Variants in CRHR2 observed in about 807,000 individuals in gnomAD.
CRHR2 encodes the protein corticotropin releasing hormone receptor 2, also known as corticotropin-releasing hormone receptor 2.
In CRHR2, 53 loss-of-function variants were observed where a neutral mutation model predicts 57.9. The ratio of observed to expected loss-of-function variants is 0.92; its 90% CI spans 0.73 to 1.15. The LOEUF (loss-of-function observed/expected upper bound fraction) is 1.15, where lower values mean the gene tolerates loss of function less well. Among genes scored for constraint, CRHR2 ranks in the 50% most tolerant of loss-of-function variants. CRHR2 has a pLI of 0.00. For synonymous variants in CRHR2, 213 were observed against 220.9 expected, an observed-to-expected ratio of 0.96 and a Z score of 0.32; for missense variants, 532 against 542.6, an observed-to-expected ratio of 0.98 and a Z score of 0.19.
rs760573349 is a variant in CRHR2, at chr7:30,655,071, C to T, written c.1063G>A (p.Val355Met). The change falls in exon 11 of 12, where the codon GTG becomes ATG. Residue 355 changes from valine to methionine, a missense_variant. Physicochemically the swap from Val to Met is conservative, Grantham distance 21. Transcript: ENST00000471646. ...TTGAAGAAGCAGTAGAAGACAGACA[C>T]GAAGAAACCCTGGAAAGGAGGGAAA... is the stretch of plus-strand genomic sequence containing the variant. Reference protein sequence around the residue: ...SFLQSFQGFFVSVFYCFFNGE... With the variant: ...SFLQSFQGFFMSVFYCFFNGE... 1.1e-5 allele frequency: 18 copies of T among 1,613,404 alleles called. No individual in the cohort carries two copies. The highest frequency in any genetic ancestry group is 2.2e-5 in the South Asian group (2 of 90,968).
At chr7:30,692,383 A>G (rs1400813004) in intron 1 of CRHR2, among the ~76,000 whole-genome samples, 1 of 152,154 alleles carries the variant, frequency 6.6e-6, no homozygotes, top group Admixed American at 6.5e-5. Flanking sequence ...CCCTCGGACA[A>G]TGGGCCCCTG....
At chr7:30,698,399 G>A (rs908407777) in intron 1 of CRHR2, among the ~76,000 whole-genome samples, 4 of 152,148 alleles carry the variant, frequency 2.6e-5, no homozygotes, top group Admixed American at 2.6e-4. Flanking sequence ...GCGGCTGGCA[G>A]CATGGACCCC....
chr7:30,659,785 GGA>G (rs1783925256), intron 8 of CRHR2, among the ~76,000 whole-genome samples: 1 of 152,264 alleles, frequency 6.6e-6, no homozygotes, highest in African/African-American at 2.4e-5. Context: ...TCTGTGTGCA[GGA>G]GGAGATGGCA....
chr7:30,697,445 C>T (rs1052249836), intron 1 of CRHR2, among the ~76,000 whole-genome samples: 8 of 152,168 alleles, frequency 5.3e-5, no homozygotes, highest in African/African-American at 1.7e-4. Flanking sequence ...CCCACCTTCC[C>T]GGTGTTTGAG....
At chr7:30,681,813 G>A in intron 2 of CRHR2, 102 bp downstream of exon 2, 8 of 1,448,408 alleles carry the variant, frequency 5.5e-6, no homozygotes, top group Non-Finnish European at 7.2e-6. Context: ...TACCGCGGCC[G>A]TCAGCAGCTT....
chr7:30,653,695 T>C lies in CRHR2; in HGVS notation c.1096-95A>G. ...CTGCTTTCTGCTCTCATGGGTCGAC[T>C]GCCACCCTCATGACAAGGAACTGTC... On this transcript the variant is annotated intron_variant, in intron 11 of 11. Transcript: ENST00000471646. The surrounding 1 kb of genome is among the most constrained non-coding windows in gnomAD (Gnocchi z 5.0). The C allele has an allele frequency of 7.1e-7, 1 of 1,413,610 alleles. No homozygotes were observed. The highest frequency in any genetic ancestry group is 9.4e-7 in the Non-Finnish European group (1 of 1,066,644). 87.6% of individuals were successfully genotyped at this position (1,413,610 alleles called of 1,614,324 possible). A position where few individuals can be genotyped will look rare whatever the true frequency, so the allele number is the denominator to read the frequency against.
chr7:30,659,031 A>T (rs1783892100), intron 8 of CRHR2, among the ~76,000 whole-genome samples: 1 of 152,200 alleles, frequency 6.6e-6, no homozygotes, highest in Admixed American at 6.5e-5. Flanking sequence ...AAGCCACTTC[A>T]TCTCTCTCAG....
intron 2 of CRHR2, among the ~76,000 whole-genome samples, chr7:30,674,600 G>A (rs1039139108): frequency 6.6e-6 from 1 of 152,224 alleles, no homozygotes; most frequent in Non-Finnish European, 1.5e-5. Flanking sequence ...ATGAAGTAAT[G>A]CAGGGAGAAG....
At chr7:30,655,558 C>T in intron 10 of CRHR2, 22 bp downstream of exon 10, 5 of 1,601,864 alleles carry the variant, frequency 3.1e-6, no homozygotes, top group Non-Finnish European at 4.3e-6. Flanking sequence ...CTGTGGGGCC[C>T]CCATCTGGTC....
chr7:30,657,881 C>T (rs571379354), intron 8 of CRHR2, among the ~76,000 whole-genome samples: 2 of 152,258 alleles, frequency 1.3e-5, no homozygotes, highest in South Asian at 4.1e-4. Flanking sequence ...TTTATCTATC[C>T]ATCCACGTAC....
At position 30,653,874 on chromosome 7, in the gene CRHR2, C is replaced by G. The variant is rs532126975; in HGVS notation, c.1096-274G>C. Among the ~76,000 whole-genome samples the G allele has an allele frequency of 6.6e-6, 1 of 152,294 alleles. No homozygotes were observed. Among genetic ancestry groups the G allele is most frequent in the East Asian group, 1.9e-4 (1 of 5,160 alleles). ...CCTCTGGACACACTGCCTTCCCTTC[C>G]CTGACTCACTCTGCCACCTCAAAAT... On this transcript the variant is annotated intron_variant, in intron 11 of 11. Transcript: ENST00000471646. This position sits in a 1 kb window ranked among gnomAD's most constrained non-coding sequence, Gnocchi z 5.0.
In CRHR2 at chr7:30,665,748, C is replaced by T. The variant is rs1784166937; in HGVS notation, c.316-109G>A. On this transcript the variant is annotated intron_variant, in intron 3 of 11. Transcript: ENST00000471646. This position sits in a 1 kb window ranked among gnomAD's most constrained non-coding sequence, Gnocchi z 4.5. ...TGTCCTGACCTTGGGGGCAGAAGTG[C>T]TCCAGGTGTCATTGCCGTGCCTGGC... The T allele has an allele frequency of 2.4e-6, 2 of 846,534 alleles. No individual in the cohort carries two copies. Among genetic ancestry groups the T allele is most frequent in the Middle Eastern group, 2.8e-4 (1 of 3,512 alleles). The allele number at this position is 846,534 out of a possible 1,614,324, so 52.4% of individuals were successfully genotyped here.
intron 1 of CRHR2, among the ~76,000 whole-genome samples, chr7:30,695,756 A>G (rs1054592448): frequency 2.6e-5 from 4 of 152,228 alleles, no homozygotes; most frequent in Non-Finnish European, 5.9e-5. Flanking sequence ...ATTAAATAAC[A>G]TTAAAATTAA....
intron 1 of CRHR2, among the ~76,000 whole-genome samples, chr7:30,697,165 G>A (rs1358158424): frequency 1.3e-5 from 2 of 152,208 alleles, no homozygotes; most frequent in Non-Finnish European, 2.9e-5. Context: ...ACAGGTCAGG[G>A]AGGGTCCAGG....
chr7:30,656,385 T>C lies in CRHR2; in HGVS notation c.832-373A>G, dbSNP rs1393140060. On this transcript the variant is annotated intron_variant, in intron 8 of 11. Coordinates refer to ENST00000471646, the MANE Select transcript of CRHR2 (RefSeq NM_001883.5). This position sits in a 1 kb window ranked among gnomAD's most constrained non-coding sequence, Gnocchi z 4.4. ...CTCACTGCCACGGGGTCCCTACTTGTTGACTGCGGGGCTCTCTGAGTCCCT... is the reference window on the plus strand; with the variant it reads ...CTCACTGCCACGGGGTCCCTACTTGCTGACTGCGGGGCTCTCTGAGTCCCT... Among the ~76,000 whole-genome samples, 3 of 152,192 alleles carry C rather than the reference T, an allele frequency of 2.0e-5. No homozygotes were observed. Among genetic ancestry groups the C allele is most frequent in the Non-Finnish European group, 4.4e-5 (3 of 68,026 alleles).
intron 2 of CRHR2, among the ~76,000 whole-genome samples, chr7:30,687,804 C>T (rs1347907021): frequency 6.6e-6 from 1 of 152,200 alleles, no homozygotes; most frequent in Admixed American, 6.5e-5. Context: ...GGTCTGCTGA[C>T]AAACCCACGC....
At chr7:30,669,936 T>G (rs1348450791) in intron 2 of CRHR2, among the ~76,000 whole-genome samples, 1 of 152,110 alleles carries the variant, frequency 6.6e-6, no homozygotes, top group African/African-American at 2.4e-5. Flanking sequence ...TGCTCACGGA[T>G]GAACTCCTAC....
chr7:30,663,122 A>G (rs38028), intron 5 of CRHR2, among the ~76,000 whole-genome samples: 150,316 of 152,358 alleles, frequency 0.99, 74,161 homozygotes, highest in East Asian at 1. Flanking sequence ...TAAAGAGAGC[A>G]AGAGTCTGGC....
chr7:30,693,784 A>G (rs190676227), intron 1 of CRHR2, among the ~76,000 whole-genome samples: 1 of 152,332 alleles, frequency 6.6e-6, no homozygotes, highest in African/African-American at 2.4e-5. Flanking sequence ...ATTGAATTGA[A>G]TTGGAGGACA....
Sources: allele counts gnomAD v4.1 joint callset (sites outside exome capture counted in the v4.1 genomes callset), GRCh38; gene constraint gnomAD v4.1.1; non-coding constraint Gnocchi (gnomAD v3.1); transcripts MANE v1.5; gene names NCBI Gene and HGNC (gene_info 2026-07-23, HGNC 2026-07-21).